ODAD1: variants seen among roughly 807,000 people sequenced by gnomAD.
ODAD1 encodes the protein outer dynein arm-docking complex subunit 1.
A neutral mutation model predicts 67.2 loss-of-function variants in ODAD1; 49 were observed. The ratio of observed to expected loss-of-function variants is 0.73; its 90% confidence interval spans 0.58 to 0.92. The LOEUF is 0.92. Ranked by LOEUF, ODAD1 falls within the 40% of genes least tolerant of loss-of-function variation. ODAD1 has a pLI of 0.00. For synonymous variants in ODAD1, 345 were observed against 393.7 expected, an observed-to-expected ratio of 0.88 and a Z score of 1.46; for missense variants, 897 against 953.7, an observed-to-expected ratio of 0.94 and a Z score of 0.78.
intron 5 of ODAD1, among the ~76,000 whole-genome samples, chr19:48,313,766 C>A (rs1020064877): frequency 1.3e-5 from 2 of 152,002 alleles, no homozygotes; most frequent in African/African-American, 4.8e-5. Flanking sequence ...CACCTGTAGT[C>A]CTAGCTACTT....
rs775586217 is a variant in ODAD1, at chr19:48,297,085, G to C, written c.2015C>G (p.Ala672Gly). 6.2e-7 allele frequency: 1 copy of C among 1,613,322 alleles called. No homozygotes were observed. Among genetic ancestry groups the C allele is most frequent in the Non-Finnish European group, 8.5e-7 (1 of 1,179,580 alleles). Residue 672 changes from alanine to glycine, a missense_variant, in exon 16 of 16, where the codon GCG becomes GGG. By Grantham distance (60) the Ala-to-Gly change is moderately conservative. Coordinates refer to ENST00000674294, the MANE Select transcript of ODAD1 (RefSeq NM_001364171.2). Reference sequence around the variant, plus strand: ...CCCGAGGCCTCCGCTCGAATCAGACGCTGTGCCTCCGCTCTCCACACCACC... The same window carrying C: ...CCCGAGGCCTCCGCTCGAATCAGACCCTGTGCCTCCGCTCTCCACACCACC... ...TEGGVESGGT[A>G]SDSSGGLGSS...
intron 12 of ODAD1, among the ~76,000 whole-genome samples, chr19:48,301,893 A>G (rs11671263): frequency 0.26 from 39,116 of 148,922 alleles, 5,966 homozygotes; most frequent in African/African-American, 0.44. Flanking sequence ...AGGACAGATG[A>G]AGGGGTAGAT....
chr19:48,298,028 T>C lies in ODAD1; in HGVS notation c.1474A>G (p.Met492Val), dbSNP rs1968351988. 2 of 1,613,338 alleles carry C rather than the reference T, an allele frequency of 1.2e-6. No homozygotes were observed. The highest frequency in any genetic ancestry group is 1.7e-6 in the Non-Finnish European group (2 of 1,179,800). Reference protein sequence around the residue: ...GQSLEDLPKKMAPLQPPDTLE... With the variant: ...GQSLEDLPKKVAPLQPPDTLE... ...GTGTCAGGGGGCTGAAGTGGGGCCA[T>C]CTTCTTCGGAAGGTCCTCCAGGCTC... The change falls in exon 14 of 16, where the codon ATG becomes GTG. Residue 492 changes from methionine (M) to valine (V), a missense_variant. Met to Val is a conservative substitution (Grantham distance 21). Transcript: ENST00000674294.
At chr19:48,318,301 C>T in intron 5 of ODAD1, 86 bp downstream of exon 5, 1 of 1,216,414 alleles carries the variant, frequency 8.2e-7, no homozygotes, top group Non-Finnish European at 1.2e-6. Flanking sequence ...CTAATAGCCC[C>T]AATTTCACAT....
In ODAD1 at chr19:48,311,677, A is replaced by G; in HGVS notation, c.484-11T>C. 1 of 1,494,388 alleles carries G rather than the reference A, an allele frequency of 6.7e-7. No homozygotes were observed. The highest frequency in any genetic ancestry group is 9.1e-7 in the Non-Finnish European group (1 of 1,094,608). The allele number at this position is 1,494,388 out of a possible 1,614,324, so 92.6% of individuals were successfully genotyped here. A position where few individuals can be genotyped will look rare whatever the true frequency, so the allele number is the denominator to read the frequency against. Reference sequence around the variant, plus strand: ...AAAGTGACAGGTGACCTGGGAGTAGAAAGGTGGATGGAAGAGTGGGTCTGA... The same window carrying G: ...AAAGTGACAGGTGACCTGGGAGTAGGAAGGTGGATGGAAGAGTGGGTCTGA... On this transcript the variant is annotated splice_polypyrimidine_tract_variant and intron_variant, in intron 6 of 15. Transcript: ENST00000674294.
At position 48,296,959 on chromosome 19, in the gene ODAD1, G is replaced by A; in HGVS notation, c.*17C>T. 6.4e-7 allele frequency: 1 copy of A among 1,569,436 alleles called. No homozygotes were observed. The highest frequency in any genetic ancestry group is 8.6e-7 in the Non-Finnish European group (1 of 1,160,476). ...CACAGAGAGCCAGGGCAGGGTGGGG[G>A]CTGCGTGCCCCTCGTGTTAGCCCCG... On this transcript the variant is annotated 3_prime_UTR_variant, in exon 16 of 16. Transcript: ENST00000674294.
At chr19:48,318,653 C>A (rs1296055422) in intron 4 of ODAD1, 60 bp downstream of exon 4, 9 of 1,534,122 alleles carry the variant, frequency 5.9e-6, no homozygotes, top group Middle Eastern at 3.3e-4. Context: ...ACCCAGGAGT[C>A]CAGTCTTCAG....
intron 7 of ODAD1, among the ~76,000 whole-genome samples, chr19:48,307,756 A>G (rs1258581432): frequency 6.6e-6 from 1 of 150,500 alleles, no homozygotes; most frequent in South Asian, 2.1e-4. Context: ...CGGAGCTTGC[A>G]GTGAGCCGAG....
chr19:48,307,184 CA>C (rs918672270), intron 7 of ODAD1, among the ~76,000 whole-genome samples: 2 of 133,682 alleles, frequency 1.5e-5, no homozygotes, highest in Non-Finnish European at 3.2e-5. Flanking sequence ...GACTCCATCT[CA>C]AAAGAAAAAA....
intron 7 of ODAD1, among the ~76,000 whole-genome samples, chr19:48,307,534 G>A (rs1240768293): frequency 1.3e-5 from 2 of 152,166 alleles, no homozygotes; most frequent in Non-Finnish European, 2.9e-5. Flanking sequence ...GAGTCTCTTA[G>A]TGCCAGGCTG....
In ODAD1 at chr19:48,302,798, T is replaced by C; in HGVS notation, c.1136A>G (p.Gln379Arg). The C allele has an allele frequency of 6.2e-7, 1 of 1,614,086 alleles. No homozygotes were observed. The highest frequency in any genetic ancestry group is 8.5e-7 in the Non-Finnish European group (1 of 1,180,026). ...KDDQHLLQEQ[Q>R]QKVLQQRMDK... ...CATGCGCTGCTGCAACACCTTCTGC[T>C]GCTGCTCCTGCAGCAAATGCTGGTC... The change falls in exon 12 of 16, where the codon CAG becomes CGG. Residue 379 changes from glutamine (Q) to arginine (R), a missense_variant. By Grantham distance (43) the Gln-to-Arg change is conservative. Coordinates refer to ENST00000674294, the MANE Select transcript of ODAD1 (RefSeq NM_001364171.2).
At position 48,321,480 on chromosome 19, in the gene ODAD1, A is replaced by T. The variant is rs371544128; in HGVS notation, c.-64+198T>A. ...AGGGGAGGGGCACGGACACCAGTACAGGACGGGGCTTCGCAGACAGCGAGC... is the reference window on the plus strand; with the variant it reads ...AGGGGAGGGGCACGGACACCAGTACTGGACGGGGCTTCGCAGACAGCGAGC... On this transcript the variant is annotated intron_variant, in intron 1 of 15. Transcript: ENST00000674294. 1.7e-5 allele frequency: 4 copies of T among 232,382 alleles called. No individual in the cohort carries two copies. The East Asian group carries it at 2.3e-4, about 13-fold the overall frequency. The allele number at this position is 232,382 out of a possible 1,614,324, so 14.4% of individuals were successfully genotyped here.
Position 48,297,083 on chromosome 19 carries a change from A to T in ODAD1, c.2017T>A (p.Ser673Thr). 1 of 1,613,280 alleles carries T rather than the reference A, an allele frequency of 6.2e-7. No homozygotes were observed. Among genetic ancestry groups the T allele is most frequent in the Non-Finnish European group, 8.5e-7 (1 of 1,179,554 alleles). The change falls in exon 16 of 16, where the codon TCT (serine) becomes ACT (threonine). Residue 673 changes from serine (S) to threonine (T), a missense_variant. Ser to Thr is a moderately conservative substitution (Grantham distance 58, BLOSUM62 1). Coordinates refer to ENST00000674294, the MANE Select transcript of ODAD1 (RefSeq NM_001364171.2). The stretch of plus-strand genomic sequence containing the variant: ...GACCCGAGGCCTCCGCTCGAATCAG[A>T]CGCTGTGCCTCCGCTCTCCACACCA... ...EGGVESGGTA[S>T]DSSGGLGSSR... is the part of the protein sequence containing the mutation.
intron 8 of ODAD1, among the ~76,000 whole-genome samples, chr19:48,305,193 T>C (rs1240960373): frequency 2.0e-5 from 3 of 151,552 alleles, no homozygotes; most frequent in African/African-American, 7.3e-5. Context: ...AGGGATGGAG[T>C]GAGAGAGAGA....
intron 4 of ODAD1, 41 bp from the exon 5 acceptor site, chr19:48,318,617 C>T: frequency 6.5e-7 from 1 of 1,543,840 alleles, no homozygotes; most frequent in Non-Finnish European, 8.8e-7. Flanking sequence ...AGTAAGGGGG[C>T]AGAACTCAGC....
intron 8 of ODAD1, 75 bp from the exon 9 acceptor site, chr19:48,304,215 G>A: frequency 6.9e-7 from 1 of 1,444,426 alleles, no homozygotes; most frequent in African/African-American, 1.4e-5. Context: ...GATGGGCGGG[G>A]TCAGCCAGAG....
chr19:48,318,586 C>G lies in ODAD1; in HGVS notation c.171-10G>C. 1 of 1,549,542 alleles carries G rather than the reference C, an allele frequency of 6.5e-7. No homozygotes were observed. Among genetic ancestry groups the G allele is most frequent in the Non-Finnish European group, 8.7e-7 (1 of 1,145,400 alleles). Reference sequence around the variant, plus strand: ...GCGCCGGATCTCCTCACTACCCAGGCAGGGAGGTGGAAGAGGGGCCAGTAA... The same window carrying G: ...GCGCCGGATCTCCTCACTACCCAGGGAGGGAGGTGGAAGAGGGGCCAGTAA... On this transcript the variant is annotated splice_polypyrimidine_tract_variant and intron_variant, in intron 4 of 15. Transcript: ENST00000674294.
rs1456786085 is a variant in ODAD1, at chr19:48,321,715, G to T, written c.-101C>A. 5 of 397,176 alleles carry T rather than the reference G, an allele frequency of 1.3e-5. No homozygotes were observed. Among genetic ancestry groups the T allele is most frequent in the Non-Finnish European group, 2.2e-5 (5 of 225,274 alleles). 24.6% of individuals were successfully genotyped at this position (397,176 alleles called of 1,614,324 possible). A position where few individuals can be genotyped will look rare whatever the true frequency, so the allele number is the denominator to read the frequency against. ...AGCGGCGGGAGTTGAAAGAGCCTGC[G>T]GTGACCTGTATGGAAGCCCTCGAAG... On this transcript the variant is annotated 5_prime_UTR_variant, in exon 1 of 16. Transcript: ENST00000674294.
Position 48,302,853 on chromosome 19 carries a change from C to G in ODAD1, c.1081G>C (p.Ala361Pro). ...TTGCTGGCACGTGCGCTCACCAAAGCCTCCTGCATCTGTGGGGACAGGGCT... is the reference window on the plus strand; with the variant it reads ...TTGCTGGCACGTGCGCTCACCAAAGGCTCCTGCATCTGTGGGGACAGGGCT... ...VQEEIKEMQEALVSARASKDD... is the reference protein window; with the variant it reads ...VQEEIKEMQEPLVSARASKDD... Residue 361 changes from alanine (A) to proline (P), a missense_variant, in exon 12 of 16, where the codon GCT (alanine) becomes CCT (proline). Transcript: ENST00000674294. 6.2e-7 allele frequency: 1 copy of G among 1,613,944 alleles called. No individual in the cohort carries two copies. Among genetic ancestry groups the G allele is most frequent in the Non-Finnish European group, 8.5e-7 (1 of 1,179,918 alleles).
Sources: gnomAD v4.1 joint callset for allele counts (sites outside exome capture counted in the v4.1 genomes callset) on GRCh38, gnomAD v4.1.1 for gene constraint, MANE v1.5 for transcripts, NCBI Gene and HGNC (gene_info 2026-07-23, HGNC 2026-07-21) for gene names.